Variants in SEC14L5 observed in about 807,000 individuals in gnomAD.
SEC14L5 encodes SEC14-like protein 5.
Under a neutral mutation model 84.6 loss-of-function variants are expected in SEC14L5, and 96 were observed. That is an observed-to-expected ratio of 1.13 (90% confidence interval 0.96 to 1.34). The LOEUF (loss-of-function observed/expected upper bound fraction) is 1.34. Among genes scored for constraint, SEC14L5 ranks in the 40% most tolerant of loss-of-function variants. The pLI, the probability that SEC14L5 is intolerant of heterozygous loss-of-function variation, is 0.00. For synonymous variants in SEC14L5, 546 were observed against 383.4 expected, an observed-to-expected ratio of 1.42 and a Z score of -4.95; for missense variants, 1,224 against 942.5, an observed-to-expected ratio of 1.30 and a Z score of -3.91.
intron 14 of SEC14L5, among the ~76,000 whole-genome samples, chr16:5,010,652 A>G (rs1596646411): frequency 6.6e-6 from 1 of 152,114 alleles, no homozygotes; most frequent in East Asian, 1.9e-4. Flanking sequence ...AGAGCAACCC[A>G]AAGTGGCTCT....
chr16:4,994,681 CA>C, intron 6 of SEC14L5, among the ~76,000 whole-genome samples: 1 of 141,734 alleles, frequency 7.1e-6, no homozygotes, highest in Non-Finnish European at 1.5e-5. Flanking sequence ...TGTATGTGCA[CA>C]TTTTTTTTTT....
Position 4,990,778 on chromosome 16 carries a change from G to C in SEC14L5, c.357G>C (p.Glu119Asp), listed in dbSNP as rs758430850. ...NEHCSYTVHPENEDWTCFEQS... is the reference protein window; with the variant it reads ...NEHCSYTVHPDNEDWTCFEQS... ...TGCCTGGCTTTCAGGTCCACCCTGA[G>C]AATGAAGACTGGACTTGCTTCGAGC... Residue 119 changes from glutamate to aspartate, a missense_variant, in exon 5 of 16, where the codon GAG becomes GAC. Glu to Asp is a conservative substitution (Grantham distance 45, BLOSUM62 2). Coordinates refer to ENST00000251170, the MANE Select transcript of SEC14L5 (RefSeq NM_014692.2). 5.6e-6 allele frequency: 9 copies of C among 1,608,694 alleles called. No individual in the cohort carries two copies. The highest frequency in any genetic ancestry group is 7.6e-6 in the Non-Finnish European group (9 of 1,177,414).
intron 11 of SEC14L5, 51 bp downstream of exon 11, chr16:5,003,624 G>GCCCC: frequency 2.3e-5 from 7 of 305,304 alleles, no homozygotes; most frequent in East Asian, 1.0e-4. Flanking sequence ...GGTGGGATGG[G>GCCCC]AGGGGTTCCG....
At chr16:5,013,717 C>A (rs1226476117) in intron 15 of SEC14L5, among the ~76,000 whole-genome samples, 2 of 151,956 alleles carry the variant, frequency 1.3e-5, no homozygotes, top group Non-Finnish European at 2.9e-5. Context: ...TACCACCACC[C>A]CTGGCTAATT....
chr16:4,980,169 T>C (rs888892004), intron 2 of SEC14L5, among the ~76,000 whole-genome samples: 1 of 152,204 alleles, frequency 6.6e-6, no homozygotes, highest in African/African-American at 2.4e-5. Context: ...ATTGTAAGGA[T>C]GAAGCGAGGC....
In SEC14L5 at chr16:5,000,901, C is replaced by G. The variant is rs1440562584; in HGVS notation, c.1106C>G (p.Thr369Arg). The stretch of plus-strand genomic sequence containing the variant: ...GGACAGAAGCGGTGTGAGGGGAGCA[C>G]AAGGCAGCTGGGCCGTCCCATCAGG... ...EEGQKRCEGSTRQLGRPISSW... is the reference protein window; with the variant it reads ...EEGQKRCEGSRRQLGRPISSW... Residue 369 changes from threonine (T) to arginine (R), a missense_variant, in exon 10 of 16, where the codon ACA (threonine) becomes AGA (arginine). Thr to Arg is a moderately conservative substitution (Grantham distance 71). Coordinates refer to ENST00000251170, the MANE Select transcript of SEC14L5 (RefSeq NM_014692.2). 6.2e-7 allele frequency: 1 copy of G among 1,608,432 alleles called. No individual in the cohort carries two copies. Among genetic ancestry groups the G allele is most frequent in the South Asian group, 1.1e-5 (1 of 89,872 alleles).
At chr16:4,959,149 C>T (rs1955088039) in intron 1 of SEC14L5, 124 bp from the exon 2 acceptor site, 4 of 617,976 alleles carry the variant, frequency 6.5e-6, no homozygotes, top group Non-Finnish European at 5.9e-6. Flanking sequence ...GAATATCAGC[C>T]TTCTCAATTT....
chr16:4,996,262 C>G, intron 6 of SEC14L5, 86 bp from the exon 7 acceptor site: 1 of 796,458 alleles, frequency 1.3e-6, no homozygotes, highest in Non-Finnish European at 2.1e-6. Context: ...GTCAGTGAGG[C>G]AGCCAGTAAG....
chr16:4,990,787 C>A lies in SEC14L5; in HGVS notation c.366C>A (p.Asp122Glu), dbSNP rs372839424. ...TTCAGGTCCACCCTGAGAATGAAGA[C>A]TGGACTTGCTTCGAGCAGTCTGCCT... ...CSYTVHPENE[D>E]WTCFEQSASL... Residue 122 changes from aspartate (D) to glutamate (E), a missense_variant, in exon 5 of 16, where the codon GAC becomes GAA. Asp to Glu is a conservative substitution (Grantham distance 45). Transcript: ENST00000251170. 6.2e-7 allele frequency: 1 copy of A among 1,609,864 alleles called. No homozygotes were observed. The highest frequency in any genetic ancestry group is 8.5e-7 in the Non-Finnish European group (1 of 1,177,986).
chr16:5,002,873 C>T (rs928616211), intron 10 of SEC14L5, among the ~76,000 whole-genome samples: 1 of 152,180 alleles, frequency 6.6e-6, no homozygotes, highest in African/African-American at 2.4e-5. Context: ...TAGTAGTTAG[C>T]ATCTTTTCAA....
chr16:4,998,116 C>G (rs62036196), intron 8 of SEC14L5, among the ~76,000 whole-genome samples: 36,029 of 150,978 alleles, frequency 0.24, 4,729 homozygotes, highest in Admixed American at 0.29. Context: ...AGCGATTCTC[C>G]TGCGTCAGCC....
At chr16:5,008,801 G>T (rs1363389634) in intron 14 of SEC14L5, among the ~76,000 whole-genome samples, 153 bp downstream of exon 14, 1 of 152,200 alleles carries the variant, frequency 6.6e-6, no homozygotes, top group Non-Finnish European at 1.5e-5. Context: ...GACACACAGG[G>T]TCTCATGTAA....
At position 5,011,001 on chromosome 16, in the gene SEC14L5, C is replaced by T. The variant is rs1262457734; in HGVS notation, c.1801-94C>T. On this transcript the variant is annotated intron_variant, in intron 14 of 15. Transcript: ENST00000251170. ...GACAGAGGGAGAAGAGCCCCAATTT[C>T]CAGGCCTGGTGATGAGAAGCCCATG... 1.6e-5 allele frequency: 20 copies of T among 1,260,982 alleles called. No homozygotes were observed. The Middle Eastern group carries it at 1.4e-3, about 86-fold the overall frequency. 78.1% of individuals were successfully genotyped at this position (1,260,982 alleles called of 1,614,324 possible).
chr16:4,998,172 A>AT, intron 8 of SEC14L5, among the ~76,000 whole-genome samples: 1 of 151,258 alleles, frequency 6.6e-6, no homozygotes, highest in East Asian at 2.0e-4. Context: ...TGCTTGGCTA[A>AT]TTTTTGTACT....
chr16:5,018,649 G>T lies in SEC14L5; in HGVS notation c.*3679G>T. The T allele has an allele frequency of 6.6e-6, 1 of 152,196 alleles. No individual in the cohort carries two copies. The highest frequency in any genetic ancestry group is 1.9e-4 in the East Asian group (1 of 5,190). The allele number at this position is 152,196 out of a possible 1,614,324, so 9.4% of individuals were successfully genotyped here. On this transcript the variant is annotated 3_prime_UTR_variant, in exon 16 of 16. Transcript: ENST00000251170. ...TACTTCATCCTGGGTGACAAAGCAA[G>T]ACCCTGTCTCAAAAAAAGAAGAAAG...
At chr16:4,973,280 C>T (rs1324600228) in intron 2 of SEC14L5, among the ~76,000 whole-genome samples, 1 of 152,212 alleles carries the variant, frequency 6.6e-6, no homozygotes, top group Non-Finnish European at 1.5e-5. Context: ...GCTGTTCTGA[C>T]CCTGTGTCTC....
intron 2 of SEC14L5, among the ~76,000 whole-genome samples, chr16:4,980,106 T>C (rs1023895833): frequency 4.6e-5 from 7 of 152,220 alleles, no homozygotes; most frequent in African/African-American, 1.7e-4. Context: ...TTCCTGAGCC[T>C]CAACTTGCTC....
chr16:4,997,095 A>C lies in SEC14L5; in HGVS notation c.970+51A>C, dbSNP rs145265360. 1.6e-4 allele frequency: 209 copies of C among 1,334,356 alleles called. No homozygotes were observed. The African/African-American group carries it at 2.9e-3, about 19-fold the overall frequency. 82.7% of individuals were successfully genotyped at this position (1,334,356 alleles called of 1,614,324 possible). On this transcript the variant is annotated intron_variant, in intron 8 of 15. Transcript: ENST00000251170. ...ATAGGGCATACTTTGGTCACTGCCA[A>C]ATGCACTTTATTTATTATTTTGAGA... is the stretch of plus-strand genomic sequence containing the variant.
intron 2 of SEC14L5, among the ~76,000 whole-genome samples, chr16:4,987,265 C>T (rs1245768820): frequency 1.3e-5 from 2 of 149,886 alleles, no homozygotes; most frequent in African/African-American, 2.5e-5. Flanking sequence ...CTGAGAAATA[C>T]CTTATTTTAA....
Sources: allele counts gnomAD v4.1 joint callset (sites outside exome capture counted in the v4.1 genomes callset), GRCh38; gene constraint gnomAD v4.1.1; transcripts MANE v1.5; gene names NCBI Gene and HGNC (gene_info 2026-07-23, HGNC 2026-07-21).